The following ZPBP variants were observed in gnomAD, a reference collection of about 807,000 sequenced individuals.
ZPBP encodes zona pellucida binding protein.
Under a neutral mutation model 44.8 loss-of-function variants are expected in ZPBP, and 26 were observed. That is an observed-to-expected ratio of 0.58 (90% CI 0.43 to 0.81). ZPBP has a LOEUF of 0.81. Among genes scored for constraint, ZPBP ranks in the 30% least tolerant of loss-of-function variants. ZPBP has a pLI of 0.00. For synonymous variants in ZPBP, 174 were observed against 153.2 expected, an observed-to-expected ratio of 1.14 and a Z score of -1.00; for missense variants, 409 against 434.0, an observed-to-expected ratio of 0.94 and a Z score of 0.51.
chr7:50,024,707 A>G (rs574191533), intron 5 of ZPBP, among the ~76,000 whole-genome samples: 12 of 151,926 alleles, frequency 7.9e-5, no homozygotes, highest in African/African-American at 2.9e-4. Flanking sequence ...CAAAGTGTAC[A>G]AAGTTGTAGT....
At position 50,063,995 on chromosome 7, in the gene ZPBP, C is replaced by T. The variant is rs1223274435; in HGVS notation, c.335-5854G>A. On this transcript the variant is annotated intron_variant, in intron 3 of 7. Transcript: ENST00000046087. ...AATATTTAATGATTTTTTCAGGAGG[C>T]CATTCATTATCTTTCCAGTCTCTTA... Among the ~76,000 whole-genome samples the T allele has an allele frequency of 2.6e-5, 4 of 152,112 alleles. No homozygotes were observed. The East Asian group carries it at 5.8e-4, about 22-fold the overall frequency.
chr7:49,989,874 G>A (rs1463511168), intron 6 of ZPBP, among the ~76,000 whole-genome samples: 1 of 152,132 alleles, frequency 6.6e-6, no homozygotes, highest in Non-Finnish European at 1.5e-5. Flanking sequence ...AAGATCAAGG[G>A]AGCCAAACAA....
chr7:50,045,851 C>T (rs553828872), intron 4 of ZPBP, among the ~76,000 whole-genome samples: 1 of 152,212 alleles, frequency 6.6e-6, no homozygotes, highest in African/African-American at 2.4e-5. Flanking sequence ...CAATCCTAAG[C>T]AAAAAGAACA....
intron 7 of ZPBP, among the ~76,000 whole-genome samples, chr7:49,976,193 T>A (rs1016529840): frequency 2.2e-4 from 34 of 152,346 alleles, no homozygotes; most frequent in African/African-American, 7.9e-4. Flanking sequence ...AAGCATTATA[T>A]ATTTTTGCGT....
chr7:49,974,645 C>A (rs1796426179), intron 7 of ZPBP, among the ~76,000 whole-genome samples: 1 of 151,942 alleles, frequency 6.6e-6, no homozygotes, highest in Non-Finnish European at 1.5e-5. Context: ...ATAATGAATA[C>A]AGAAACTGCC....
chr7:50,050,007 T>A (rs1019049743), intron 4 of ZPBP, among the ~76,000 whole-genome samples: 3 of 151,816 alleles, frequency 2.0e-5, no homozygotes, highest in African/African-American at 7.2e-5. Context: ...TAATTAAAAG[T>A]TTAAAATATA....
rs1156413806 is a variant in ZPBP, at chr7:49,998,367, CG to C, written c.784-14849del. On this transcript the variant is annotated intron_variant, in intron 6 of 7. Transcript: ENST00000046087. ...TCTCCGCTTCAGGGCACACCTGGAA[CG>C]TCTGAAGCCATTTATGTGATACTTG... 3.3e-5 allele frequency among the ~76,000 whole-genome samples: 5 copies of C among 152,194 alleles called. No individual in the cohort carries two copies. In the East Asian group the frequency reaches 5.8e-4, roughly 18 times the overall value.
chr7:49,937,479 A>C lies in ZPBP; in HGVS notation c.*49T>G, dbSNP rs768766097. The C allele has an allele frequency of 3.7e-6, 5 of 1,337,346 alleles. No individual in the cohort carries two copies. The highest frequency in any genetic ancestry group is 3.4e-5 in the Admixed American group (2 of 59,254). 82.8% of individuals were successfully genotyped at this position (1,337,346 alleles called of 1,614,324 possible). ...AATAATTTATTATGTTAATATTTCA[A>C]ATATATACTTTGCATTTAATAAACC... On this transcript the variant is annotated 3_prime_UTR_variant, in exon 8 of 8. Coordinates refer to ENST00000046087, the MANE Select transcript of ZPBP (RefSeq NM_007009.3).
chr7:49,912,243 T>G, intron 1 of ZPBP: 1 of 1,572,210 alleles, frequency 6.4e-7, no homozygotes, highest in Non-Finnish European at 8.7e-7. Flanking sequence ...ATGTGAACAT[T>G]CTAGATGACT....
At chr7:50,007,462 T>G (rs2128798651) in intron 6 of ZPBP, among the ~76,000 whole-genome samples, 1 of 152,162 alleles carries the variant, frequency 6.6e-6, no homozygotes, top group Middle Eastern at 3.4e-3. Context: ...CACTGATCAT[T>G]TAGAGAAGAA....
chr7:50,035,565 G>A (rs1326082441), intron 4 of ZPBP, among the ~76,000 whole-genome samples: 4 of 152,146 alleles, frequency 2.6e-5, no homozygotes, highest in Admixed American at 2.0e-4. Context: ...TCAAAGTACT[G>A]TTAGAAATTG....
At chr7:49,964,371 T>G (rs958626841) in intron 7 of ZPBP, among the ~76,000 whole-genome samples, 1 of 152,034 alleles carries the variant, frequency 6.6e-6, no homozygotes, top group Non-Finnish European at 1.5e-5. Context: ...ACCATATGAT[T>G]ATTTATGTAT....
At chr7:49,891,971 C>G (rs552233374) in intron 2 of ZPBP, among the ~76,000 whole-genome samples, 49 of 139,676 alleles carry the variant, frequency 3.5e-4, no homozygotes, top group African/African-American at 8.2e-4. Context: ...TGAAAAGATA[C>G]AAATACGGAC....
intron 4 of ZPBP, among the ~76,000 whole-genome samples, chr7:50,033,030 A>C (rs1314042113): frequency 6.6e-6 from 1 of 152,192 alleles, no homozygotes; most frequent in African/African-American, 2.4e-5. Context: ...CTGATGTAGG[A>C]CTAAAATTAT....
intron 6 of ZPBP, among the ~76,000 whole-genome samples, chr7:49,994,584 G>T (rs1326555049): frequency 6.6e-6 from 1 of 152,180 alleles, no homozygotes; most frequent in Non-Finnish European, 1.5e-5. Flanking sequence ...GGTGGACCAT[G>T]GTCAAGCATT....
chr7:50,076,740 C>T (rs1236139181), intron 3 of ZPBP, among the ~76,000 whole-genome samples: 1 of 151,258 alleles, frequency 6.6e-6, no homozygotes, highest in Admixed American at 6.6e-5. Flanking sequence ...ATGAAGGAAA[C>T]TGAAGAGGAC....
intron 5 of ZPBP, among the ~76,000 whole-genome samples, chr7:50,028,998 T>C (rs1340597770): frequency 6.6e-6 from 1 of 152,062 alleles, no homozygotes; most frequent in Admixed American, 6.6e-5. Context: ...ATGCTAAAAA[T>C]CATATGGAAT....
intron 2 of ZPBP, among the ~76,000 whole-genome samples, chr7:49,878,730 A>G (rs1027097525): frequency 1.3e-5 from 2 of 152,130 alleles, no homozygotes; most frequent in African/African-American, 4.8e-5. Context: ...TTGCTCATGC[A>G]CGATTTTCTC....
chr7:49,902,083 C>T (rs558864443), intron 1 of ZPBP, among the ~76,000 whole-genome samples: 1 of 151,942 alleles, frequency 6.6e-6, no homozygotes. Flanking sequence ...CCATAAAAGT[C>T]GTAGAAGATC....
Sources: allele counts gnomAD v4.1 joint callset (sites outside exome capture counted in the v4.1 genomes callset), GRCh38; gene constraint gnomAD v4.1.1; transcripts MANE v1.5; gene names NCBI Gene and HGNC (gene_info 2026-07-23, HGNC 2026-07-21).